Variants in BAZ2B observed in about 807,000 individuals in gnomAD.
The protein encoded by BAZ2B is bromodomain adjacent to zinc finger domain 2B.
In BAZ2B, 91 loss-of-function variants were observed where a neutral mutation model predicts 246.0. That is an observed-to-expected ratio of 0.37 (90% confidence interval 0.31 to 0.44). The LOEUF (loss-of-function observed/expected upper bound fraction) is 0.44. Among genes scored for constraint, BAZ2B ranks in the 20% least tolerant of loss-of-function variants. The probability of loss-of-function intolerance (pLI) is 1.00; values close to 1 mark genes in which losing one functional copy is unlikely to be tolerated. For missense variants in BAZ2B, 2,332 were observed against 2,533.7 expected (o/e 0.92, Z 1.71); for synonymous variants, 855 against 860.0 (o/e 0.99, Z 0.10).
chr2:159,540,424 T>C (rs917323869), intron 2 of BAZ2B, among the ~76,000 whole-genome samples: 7 of 152,182 alleles, frequency 4.6e-5, no homozygotes, highest in Admixed American at 3.3e-4. Flanking sequence ...ATTGGCAGTA[T>C]ATAAGTGGGT....
chr2:159,475,699 T>C (rs2078444016), intron 3 of BAZ2B, among the ~76,000 whole-genome samples: 1 of 152,242 alleles, frequency 6.6e-6, no homozygotes, highest in Non-Finnish European at 1.5e-5. Context: ...TTTATCTACC[T>C]TTGGTCTTTG....
chr2:159,446,127 A>G (rs1479509328), intron 6 of BAZ2B, among the ~76,000 whole-genome samples: 1 of 152,176 alleles, frequency 6.6e-6, no homozygotes, highest in Non-Finnish European at 1.5e-5. Flanking sequence ...AGAAGAAGAA[A>G]GAAAAAAGAA....
chr2:159,484,991 C>A (rs1019943672), intron 2 of BAZ2B, among the ~76,000 whole-genome samples: 1 of 152,146 alleles, frequency 6.6e-6, no homozygotes, highest in African/African-American at 2.4e-5. Flanking sequence ...ACAGCAGATT[C>A]AGTGAGTCCT....
In BAZ2B at chr2:159,468,773, G is replaced by A. The variant is rs7562022; in HGVS notation, c.145+9802C>T. Among the ~76,000 whole-genome samples the A allele has an allele frequency of 1.1e-4, 17 of 152,258 alleles. No individual in the cohort carries two copies. The South Asian group carries it at 2.3e-3, about 20-fold the overall frequency. On this transcript the variant is annotated intron_variant, in intron 3 of 36. Transcript: ENST00000392783. ...TAGAAAGTAGGAAAAGGCCTTGTGC[G>A]GTGGCTAACGCCTGTAATCCCAACA...
At chr2:159,431,652 G>A (rs1025294377) in intron 9 of BAZ2B, among the ~76,000 whole-genome samples, 1 of 152,124 alleles carries the variant, frequency 6.6e-6, no homozygotes, top group African/African-American at 2.4e-5. Context: ...TTACATACAA[G>A]ACTTCATCAG....
chr2:159,363,997 C>T (rs1216197306), intron 27 of BAZ2B, among the ~76,000 whole-genome samples: 1 of 152,130 alleles, frequency 6.6e-6, no homozygotes, highest in African/African-American at 2.4e-5. Context: ...TGGGAATGCT[C>T]CTAGTCATCA....
intron 1 of BAZ2B, among the ~76,000 whole-genome samples, chr2:159,570,932 C>A (rs1405083109): frequency 2.0e-5 from 3 of 152,190 alleles, no homozygotes; most frequent in Non-Finnish European, 2.9e-5. Flanking sequence ...CAGCTCACTG[C>A]AACCTCCTCC....
At chr2:159,687,744 T>G in the BAZ2B span, among the ~76,000 whole-genome samples, 2 of 152,196 alleles carry the variant, frequency 1.3e-5, no homozygotes, top group East Asian at 1.9e-4. Flanking sequence ...AACTCCCAAT[T>G]TGTAGTCAAG....
intron 1 of BAZ2B, among the ~76,000 whole-genome samples, chr2:159,598,317 A>G (rs1691259475): frequency 6.6e-6 from 1 of 152,196 alleles, no homozygotes; most frequent in South Asian, 2.1e-4. Context: ...CTCATAAAAA[A>G]AGAGCTGCTG....
At chr2:159,527,213 A>C (rs1437093377) in intron 2 of BAZ2B, among the ~76,000 whole-genome samples, 1 of 152,148 alleles carries the variant, frequency 6.6e-6, no homozygotes, top group African/African-American at 2.4e-5. Flanking sequence ...ACGGCTAGTG[A>C]TGCTGAACAT....
intron 1 of BAZ2B, among the ~76,000 whole-genome samples, chr2:159,558,748 T>C (rs1239541657): frequency 6.6e-6 from 1 of 152,130 alleles, no homozygotes; most frequent in Non-Finnish European, 1.5e-5. Flanking sequence ...CAGGGTTTTT[T>C]GTTTTGTTTA....
the BAZ2B span, among the ~76,000 whole-genome samples, chr2:159,669,446 T>C: frequency 1.3e-5 from 2 of 152,204 alleles, no homozygotes; most frequent in East Asian, 3.9e-4. Flanking sequence ...ATGTATCCAT[T>C]AGATCAAATC....
the BAZ2B span, among the ~76,000 whole-genome samples, chr2:159,640,517 T>C: frequency 1.3e-5 from 2 of 151,860 alleles, no homozygotes; most frequent in African/African-American, 2.4e-5. Flanking sequence ...TCTAACCACA[T>C]GGAATAAAAC....
the BAZ2B span, among the ~76,000 whole-genome samples, chr2:159,627,899 T>G: frequency 6.6e-6 from 1 of 152,210 alleles, no homozygotes; most frequent in African/African-American, 2.4e-5. Context: ...GCAGATGACA[T>G]GATTGTGTAT....
At chr2:159,399,038 A>C (rs1482649714) in intron 17 of BAZ2B, 144 bp from the exon 18 acceptor site, 8 of 600,384 alleles carry the variant, frequency 1.3e-5, no homozygotes, top group Non-Finnish European at 2.2e-5. Flanking sequence ...ATTTCCCCCC[A>C]GTTAACATTA....
chr2:159,534,515 T>C (rs2085719694), intron 2 of BAZ2B, among the ~76,000 whole-genome samples: 1 of 152,234 alleles, frequency 6.6e-6, no homozygotes, highest in Non-Finnish European at 1.5e-5. Flanking sequence ...AAAATTATGG[T>C]ATTATAATCT....
the BAZ2B span, among the ~76,000 whole-genome samples, chr2:159,650,409 G>A: frequency 2.6e-5 from 4 of 152,078 alleles, no homozygotes; most frequent in Non-Finnish European, 4.4e-5. Context: ...GACCATTTAA[G>A]TTTAGGGCTA....
intron 27 of BAZ2B, among the ~76,000 whole-genome samples, chr2:159,366,504 TA>T (rs2060231014): frequency 6.6e-6 from 1 of 152,224 alleles, no homozygotes; most frequent in Admixed American, 6.5e-5. Context: ...TCTCCAGGGC[TA>T]GCATTAGAGC....
the BAZ2B span, among the ~76,000 whole-genome samples, chr2:159,677,197 A>C: frequency 2.6e-5 from 4 of 151,420 alleles, no homozygotes; most frequent in Admixed American, 6.6e-5. Flanking sequence ...TCTCAAGAAA[A>C]AATTTGAACT....
Sources: gnomAD v4.1 joint callset for allele counts (sites outside exome capture counted in the v4.1 genomes callset) on GRCh38, gnomAD v4.1.1 for gene constraint, MANE v1.5 for transcripts, NCBI Gene and HGNC (gene_info 2026-07-23, HGNC 2026-07-21) for gene names.